The following HEATR5A variants were observed in gnomAD, a reference collection of about 807,000 sequenced individuals.
The protein encoded by HEATR5A is HEAT repeat-containing protein 5A.
HEATR5A carries 178 observed loss-of-function variants against 218.8 expected under a neutral mutation model. The observed-to-expected ratio is 0.81, with a 90% CI of 0.72 to 0.92. The LOEUF is 0.92. Ranked by LOEUF, HEATR5A falls within the 40% of genes least tolerant of loss-of-function variation. The pLI, the probability that HEATR5A is intolerant of heterozygous loss-of-function variation, is 0.00. For synonymous variants in HEATR5A, 864 were observed against 871.6 expected, an observed-to-expected ratio of 0.99 and a Z score of 0.15; for missense variants, 2,420 against 2,418.9, an observed-to-expected ratio of 1.00 and a Z score of -0.01.
Position 31,371,833 on chromosome 14 carries a change from AG to A in HEATR5A, c.1937del (p.Pro646LeufsTer7), listed in dbSNP as rs1902047624. ...EVTQRLLPPL[P>X]CAVDLLTQLS... The stretch of plus-strand genomic sequence containing the variant: ...ACTGAGTTAGCAAATCCACAGCACA[AG>A]GAAGTGGTGGAAGAAGACGCTGAGT... On this transcript the variant is annotated frameshift_variant, in exon 13 of 36. Coordinates refer to ENST00000543095, the MANE Select transcript of HEATR5A (RefSeq NM_015473.4). LOFTEE classifies it high-confidence loss of function. The A allele has an allele frequency of 1.9e-6, 3 of 1,541,532 alleles. No individual in the cohort carries two copies. Among genetic ancestry groups the A allele is most frequent in the South Asian group, 1.2e-5 (1 of 82,686 alleles).
rs141052056 is a variant in HEATR5A, at chr14:31,407,165, C to A, written c.-74-4116G>T. Among the ~76,000 whole-genome samples the A allele has an allele frequency of 2.9e-3, 441 of 152,144 alleles. 12 individuals carry two copies. The East Asian group carries it at 0.064, about 22-fold the overall frequency. ...AATTAGCTGGGCATGGTGGTGCACACCTGCAGTCCCAGCTACTCAGGAGGC... is the reference window on the plus strand; with the variant it reads ...AATTAGCTGGGCATGGTGGTGCACAACTGCAGTCCCAGCTACTCAGGAGGC... On this transcript the variant is annotated intron_variant, in intron 1 of 35. Coordinates refer to ENST00000543095, the MANE Select transcript of HEATR5A (RefSeq NM_015473.4).
intron 25 of HEATR5A, chr14:31,320,654 T>C (rs1900067161): frequency 1.6e-6 from 1 of 630,088 alleles, no homozygotes; most frequent in Non-Finnish European, 2.9e-6. Flanking sequence ...CTCCCAGCTT[T>C]AGCCCTTGGT....
Position 31,296,030 on chromosome 14 carries a change from C to G in HEATR5A, c.5498G>C (p.Ser1833Thr). The change falls in exon 34 of 36, where the codon AGT becomes ACT. Residue 1833 changes from serine (S) to threonine (T), a missense_variant. By Grantham distance (58) the Ser-to-Thr change is moderately conservative. Coordinates refer to ENST00000543095, the MANE Select transcript of HEATR5A (RefSeq NM_015473.4). ...AAACACTGTGATAGCAGTAAGTAGA[C>G]TGACTTCATCAAGTTCTTGGTGTGT... ...DETHQELDEV[S>T]LLTAITVFIL... 6.2e-7 allele frequency: 1 copy of G among 1,613,540 alleles called. No homozygotes were observed. The highest frequency in any genetic ancestry group is 8.5e-7 in the Non-Finnish European group (1 of 1,179,590).
At chr14:31,376,420 G>A (rs1226199905) in intron 11 of HEATR5A, among the ~76,000 whole-genome samples, 1 of 152,212 alleles carries the variant, frequency 6.6e-6, no homozygotes, top group Non-Finnish European at 1.5e-5. Flanking sequence ...GGCTGATGCA[G>A]GAGGATCATT....
At chr14:31,337,691 A>AC in intron 21 of HEATR5A, 77 bp from the exon 22 acceptor site, 3 of 1,255,050 alleles carry the variant, frequency 2.4e-6, no homozygotes, top group Non-Finnish European at 3.3e-6. Flanking sequence ...TATTCACTGG[A>AC]CCCCTTCCTG....
intron 23 of HEATR5A, among the ~76,000 whole-genome samples, chr14:31,325,457 C>T (rs554867059): frequency 3.3e-5 from 5 of 150,846 alleles, no homozygotes; most frequent in South Asian, 4.2e-4. Context: ...TCATACGGTG[C>T]GAGGGGTGGG....
In HEATR5A at chr14:31,358,943, A is replaced by T; in HGVS notation, c.2186T>A (p.Ile729Lys). The T allele has an allele frequency of 6.3e-7, 1 of 1,591,674 alleles. No individual in the cohort carries two copies. The highest frequency in any genetic ancestry group is 8.5e-7 in the Non-Finnish European group (1 of 1,174,748). ...PPLCHQDDLLILSPFLQETDH... is the reference protein window; with the variant it reads ...PPLCHQDDLLKLSPFLQETDH... ...AGTCTCTTGTAGGAAAGGACTTAGT[A>T]TCAAAAGATCATCCTGATGACAGAG... The change falls in exon 15 of 36, where the codon ATA becomes AAA. Residue 729 changes from isoleucine to lysine, a missense_variant. Ile to Lys is a moderately radical substitution (Grantham distance 102). Transcript: ENST00000543095.
In HEATR5A at chr14:31,387,280, T is replaced by A; in HGVS notation, c.1029A>T (p.Ser343=). 1 of 1,613,970 alleles carries A rather than the reference T, an allele frequency of 6.2e-7. No individual in the cohort carries two copies. The highest frequency in any genetic ancestry group is 1.6e-4 in the Middle Eastern group (1 of 6,062). The change falls in exon 8 of 36, where the codon TCA becomes TCT. Residue 343 remains serine, a synonymous_variant. Transcript: ENST00000543095. ...FSHILSLASP[S]HPKATQTQID... is the part of the protein sequence containing the mutation. ...TCTGAGTTTGGGTGGCTTTAGGGTG[T>A]GACGGTGACGCAAGGCTTAGGATAT...
At chr14:31,376,068 G>A (rs1902215845) in intron 11 of HEATR5A, among the ~76,000 whole-genome samples, 1 of 152,212 alleles carries the variant, frequency 6.6e-6, no homozygotes, top group Non-Finnish European at 1.5e-5. Context: ...AGACTGCCTA[G>A]ATTAATATCC....
chr14:31,367,396 CTTAT>C (rs761820539), intron 13 of HEATR5A, among the ~76,000 whole-genome samples: 7 of 151,518 alleles, frequency 4.6e-5, no homozygotes, highest in African/African-American at 9.7e-5. Flanking sequence ...TAAAATTTAT[CTTAT>C]TTATTTATTT....
rs553911965 is a variant in HEATR5A at position 31,414,019 on chromosome 14, C to T, written c.-75+6453G>A. Among the ~76,000 whole-genome samples the T allele has an allele frequency of 1.4e-4, 22 of 152,264 alleles. 1 individual carries two copies. The highest frequency in any genetic ancestry group is 6.8e-3 in the Middle Eastern group (2 of 294). On this transcript the variant is annotated intron_variant, in intron 1 of 35. Transcript: ENST00000543095. ...TCCAGAGACATCAGCTTTCAGAGAG[C>T]CCTTTCCATCTAGACGGCAAATCAA... is the stretch of plus-strand genomic sequence containing the variant.
At chr14:31,336,716 G>C (rs118102267) in intron 22 of HEATR5A, among the ~76,000 whole-genome samples, 5 of 152,142 alleles carry the variant, frequency 3.3e-5, no homozygotes, top group African/African-American at 4.8e-5. Flanking sequence ...GGCAAACAGA[G>C]GCAGGTGTGA....
chr14:31,370,174 C>T (rs929607601), intron 13 of HEATR5A, among the ~76,000 whole-genome samples: 13 of 145,206 alleles, frequency 9.0e-5, no homozygotes, highest in African/African-American at 2.6e-4. Context: ...TGCAGTGAGC[C>T]GAGATTGTAC....
intron 12 of HEATR5A, 48 bp from the exon 13 acceptor site, chr14:31,371,957 G>T: frequency 1.3e-6 from 1 of 769,648 alleles, no homozygotes. Flanking sequence ...AATCAACCAT[G>T]AAAGGCACAT....
intron 22 of HEATR5A, among the ~76,000 whole-genome samples, chr14:31,332,882 A>T (rs1595106199): frequency 6.6e-6 from 1 of 151,890 alleles, no homozygotes; most frequent in Non-Finnish European, 1.5e-5. Context: ...CCTACTCGGG[A>T]GGCTGAGGCA....
chr14:31,381,420 T>G (rs562265856), intron 10 of HEATR5A, among the ~76,000 whole-genome samples: 2 of 152,140 alleles, frequency 1.3e-5, no homozygotes, highest in Admixed American at 6.5e-5. Context: ...CAGTGGCTCA[T>G]GCCTGTAATC....
intron 5 of HEATR5A, among the ~76,000 whole-genome samples, 161 bp from the exon 6 acceptor site, chr14:31,394,387 A>G (rs1241959535): frequency 1.3e-5 from 2 of 152,238 alleles, no homozygotes; most frequent in African/African-American, 4.8e-5. Context: ...ATTAAAAGTC[A>G]TAAAGATTAT....
Position 31,386,565 on chromosome 14 carries a change from C to A in HEATR5A, c.1200G>T (p.Met400Ile). The A allele has an allele frequency of 1.9e-6, 3 of 1,583,906 alleles. No homozygotes were observed. The highest frequency in any genetic ancestry group is 1.2e-5 in the South Asian group (1 of 86,138). The stretch of plus-strand genomic sequence containing the variant: ...GCCGGGTTTCCAAATTACCATCACT[C>A]ATTACGGCATCTGATAGAAATGCAA... Reference protein sequence around the residue: ...WKLKKVMDAVMSDGNLETRLG... With the variant: ...WKLKKVMDAVISDGNLETRLG... The change falls in exon 9 of 36, where the codon ATG becomes ATT. Residue 400 changes from methionine to isoleucine, a missense_variant. Physicochemically the swap from Met to Ile is conservative, Grantham distance 10. Transcript: ENST00000543095.
intron 1 of HEATR5A, among the ~76,000 whole-genome samples, chr14:31,407,067 G>A (rs1489098357): frequency 6.6e-6 from 1 of 151,190 alleles, no homozygotes; most frequent in African/African-American, 2.4e-5. Context: ...AAGCAGGAGG[G>A]TTGCTTGAGC....
Sources: gnomAD v4.1 joint callset for allele counts (sites outside exome capture counted in the v4.1 genomes callset) on GRCh38, gnomAD v4.1.1 for gene constraint, MANE v1.5 for transcripts, NCBI Gene and HGNC (gene_info 2026-07-23, HGNC 2026-07-21) for gene names.